FOXN3: variants seen among roughly 807,000 people sequenced by gnomAD.
FOXN3 encodes forkhead box protein N3.
Under a neutral mutation model 38.4 loss-of-function variants are expected in FOXN3, and 7 were observed. That is an observed-to-expected ratio of 0.18 (90% CI 0.10 to 0.34). The LOEUF (loss-of-function observed/expected upper bound fraction) is 0.34, where lower values mean the gene tolerates loss of function less well. Ranked by LOEUF, FOXN3 falls within the 10% of genes least tolerant of loss-of-function variation. FOXN3 has a pLI of 1.00. For synonymous variants in FOXN3, 230 were observed against 242.2 expected, an observed-to-expected ratio of 0.95 and a Z score of 0.47; for missense variants, 456 against 613.4, an observed-to-expected ratio of 0.74 and a Z score of 2.71.
chr14:89,463,781 TCTC>T (rs1355880640), intron 1 of FOXN3, among the ~76,000 whole-genome samples: 9 of 122,678 alleles, frequency 7.3e-5, no homozygotes, highest in African/African-American at 2.5e-4. Flanking sequence ...GTGGTCTCTC[TCTC>T]TTTTTTTTTT....
At chr14:89,526,056 T>C (rs1364026252) in intron 1 of FOXN3, among the ~76,000 whole-genome samples, 1 of 152,044 alleles carries the variant, frequency 6.6e-6, no homozygotes, top group Non-Finnish European at 1.5e-5. Context: ...GAAAAAATAT[T>C]TGACAAAATC....
chr14:89,326,101 G>A (rs1388032746), intron 3 of FOXN3, among the ~76,000 whole-genome samples: 2 of 152,144 alleles, frequency 1.3e-5, no homozygotes, highest in East Asian at 1.9e-4. Flanking sequence ...TTCAACAAAC[G>A]TTTACTCAAC....
intron 3 of FOXN3, among the ~76,000 whole-genome samples, chr14:89,350,071 T>C (rs779853127): frequency 3.3e-5 from 5 of 152,214 alleles, no homozygotes; most frequent in Non-Finnish European, 7.3e-5. Context: ...GACAGGCTAC[T>C]TACCCTCCCT....
intron 4 of FOXN3, among the ~76,000 whole-genome samples, chr14:89,232,409 A>G (rs1884840568): frequency 1.3e-5 from 2 of 152,240 alleles, no homozygotes; most frequent in South Asian, 4.1e-4. Flanking sequence ...GAGACTATGA[A>G]CTGTTGCAAT....
chr14:89,267,235 C>T (rs1002440920), intron 4 of FOXN3, among the ~76,000 whole-genome samples: 7 of 152,138 alleles, frequency 4.6e-5, no homozygotes, highest in African/African-American at 1.7e-4. Context: ...TTAAATCTTA[C>T]ATTTAAATGA....
intron 4 of FOXN3, among the ~76,000 whole-genome samples, chr14:89,232,315 T>C (rs559556214): frequency 3.9e-5 from 6 of 152,212 alleles, no homozygotes; most frequent in Non-Finnish European, 8.8e-5. Flanking sequence ...CGCCTATACA[T>C]AGTTCATTCT....
intron 3 of FOXN3, among the ~76,000 whole-genome samples, chr14:89,310,984 T>C (rs540746861): frequency 1.3e-5 from 2 of 151,670 alleles, no homozygotes; most frequent in South Asian, 4.2e-4. Flanking sequence ...AGCACACCTG[T>C]AATCTCAGCT....
chr14:89,214,279 T>C (rs2139835062), intron 4 of FOXN3, among the ~76,000 whole-genome samples: 1 of 152,326 alleles, frequency 6.6e-6, no homozygotes, highest in Non-Finnish European at 1.5e-5. Context: ...CTCCACCCGA[T>C]GTTGAAAGAG....
chr14:89,531,071 T>C (rs1320792107), intron 1 of FOXN3, among the ~76,000 whole-genome samples: 1 of 146,930 alleles, frequency 6.8e-6, no homozygotes, highest in African/African-American at 2.5e-5. Context: ...ATATATTATA[T>C]ATACACACAC....
intron 4 of FOXN3, among the ~76,000 whole-genome samples, chr14:89,220,983 A>C (rs1884444517): frequency 6.6e-6 from 1 of 152,116 alleles, no homozygotes; most frequent in East Asian, 1.9e-4. Flanking sequence ...CCTGAAGCTT[A>C]TGGAATCAGG....
At chr14:89,612,090 T>C (rs1239583536) in intron 1 of FOXN3, among the ~76,000 whole-genome samples, 1 of 152,058 alleles carries the variant, frequency 6.6e-6, no homozygotes. Context: ...GTCAGGGGAC[T>C]TGACAGTGAG....
chr14:89,494,615 A>G, intron 1 of FOXN3, among the ~76,000 whole-genome samples: 1 of 152,254 alleles, frequency 6.6e-6, no homozygotes, highest in Non-Finnish European at 1.5e-5. Context: ...GAATGGCACC[A>G]GAAGAAAGAT....
chr14:89,291,571 C>T (rs1258117175), intron 3 of FOXN3: 8 of 555,274 alleles, frequency 1.4e-5, no homozygotes, highest in Admixed American at 2.0e-5. Flanking sequence ...CCAGTCTTTC[C>T]AGCAGTCCCT....
intron 1 of FOXN3, among the ~76,000 whole-genome samples, chr14:89,604,335 A>T (rs944577213): frequency 6.6e-6 from 1 of 152,188 alleles, no homozygotes; most frequent in Admixed American, 6.5e-5. Context: ...AATAGAGAGG[A>T]GAACCCGGCC....
At chr14:89,382,345 C>T (rs1379198822) in intron 2 of FOXN3, among the ~76,000 whole-genome samples, 1 of 152,148 alleles carries the variant, frequency 6.6e-6, no homozygotes, top group Non-Finnish European at 1.5e-5. Context: ...CCATGCCTCT[C>T]CGTGCTCCAA....
intron 4 of FOXN3, among the ~76,000 whole-genome samples, chr14:89,262,030 G>T (rs1167358812): frequency 6.6e-6 from 1 of 152,152 alleles, no homozygotes; most frequent in African/African-American, 2.4e-5. Flanking sequence ...CTCGAATCCA[G>T]GAGGCAGAGG....
Position 89,484,384 on chromosome 14 carries a change from T to C in FOXN3, c.-14-71894A>G, listed in dbSNP as rs1596293162. The stretch of plus-strand genomic sequence containing the variant: ...TGCCATTGTAAGGGCACAACTGCCA[T>C]AGATAATCCAGAAATGAACAAACAT... On this transcript the variant is annotated intron_variant, in intron 1 of 6. Transcript: ENST00000345097. This position sits in a 1 kb window ranked among gnomAD's most constrained non-coding sequence, Gnocchi z 4.0. Among the ~76,000 whole-genome samples, 1 of 152,344 alleles carries C rather than the reference T, an allele frequency of 6.6e-6. No individual in the cohort carries two copies. The highest frequency in any genetic ancestry group is 1.9e-4 in the East Asian group (1 of 5,192).
chr14:89,377,216 G>C (rs1449039942), intron 2 of FOXN3, among the ~76,000 whole-genome samples: 2 of 151,622 alleles, frequency 1.3e-5, no homozygotes, highest in Non-Finnish European at 2.9e-5. Flanking sequence ...TGTCATCAGA[G>C]GGGGAGAGGA....
intron 3 of FOXN3, among the ~76,000 whole-genome samples, chr14:89,322,515 GTTC>G (rs1566955956): frequency 1.3e-5 from 2 of 152,144 alleles, no homozygotes; most frequent in Admixed American, 6.6e-5. Flanking sequence ...AGGACATAGT[GTTC>G]TTGTCTGGAG....
Sources: gnomAD v4.1 joint callset for allele counts (sites outside exome capture counted in the v4.1 genomes callset) on GRCh38, gnomAD v4.1.1 for gene constraint, Gnocchi (gnomAD v3.1) non-coding constraint, MANE v1.5 for transcripts, NCBI Gene and HGNC (gene_info 2026-07-23, HGNC 2026-07-21) for gene names.